Variants in RADIL observed in about 807,000 individuals in gnomAD.
RADIL encodes the protein ras-associating and dilute domain-containing protein.
In RADIL, 99 loss-of-function variants were observed where a neutral mutation model predicts 97.6. That is an observed-to-expected ratio of 1.01 (90% CI 0.86 to 1.20). The LOEUF (loss-of-function observed/expected upper bound fraction) is 1.20. Among genes scored for constraint, RADIL ranks in the 50% most tolerant of loss-of-function variants. The pLI is 0.00. For missense variants in RADIL, 1,765 were observed against 1,498.9 expected, an observed-to-expected ratio of 1.18 and a Z score of -2.93; for synonymous variants, 803 against 691.8, an observed-to-expected ratio of 1.16 and a Z score of -2.52.
At position 4,801,972 on chromosome 7, in the gene RADIL, G is replaced by A. The variant is rs369451870; in HGVS notation, c.2523C>T (p.Asp841=). 1.3e-5 allele frequency: 20 copies of A among 1,546,862 alleles called. No individual in the cohort carries two copies. Among genetic ancestry groups the A allele is most frequent in the South Asian group, 8.6e-5 (7 of 81,518 alleles). ...GGCAGCTCGGGGCCTCCAGGTGCCC[G>A]TCAAGGACCACGTGGTGCATACCCT... ...CPEGMHHVVL[D]GHLEAPSCPL... The change falls in exon 12 of 15, where the codon GAC becomes GAT. Residue 841 remains aspartate, a synonymous_variant. Transcript: ENST00000399583.
Position 4,867,939 on chromosome 7 carries a change from T to C in RADIL, c.535+9666A>G, listed in dbSNP as rs1017101601. Among the ~76,000 whole-genome samples, 1 of 152,226 alleles carries C rather than the reference T, an allele frequency of 6.6e-6. No individual in the cohort carries two copies. The highest frequency in any genetic ancestry group is 1.5e-5 in the Non-Finnish European group (1 of 68,048). ...AGCTTGGCCCTTTCTCTGCACTTAC[T>C]TGTTCCCCATATTGGTGAGACGGCT... On this transcript the variant is annotated intron_variant, in intron 2 of 14. Transcript: ENST00000399583. This position sits in a 1 kb window ranked among gnomAD's most constrained non-coding sequence, Gnocchi z 4.1.
At position 4,821,123 on chromosome 7, in the gene RADIL, C is replaced by T. The variant is rs541069965; in HGVS notation, c.1615+1271G>A. ...GGAGCTCCTGTCCCTGCACACCGGGCCTGCGCCTCCCTCGAAGCTCAGAGA... is the reference window on the plus strand; with the variant it reads ...GGAGCTCCTGTCCCTGCACACCGGGTCTGCGCCTCCCTCGAAGCTCAGAGA... On this transcript the variant is annotated intron_variant, in intron 6 of 14. Transcript: ENST00000399583. This position sits in a 1 kb window ranked among gnomAD's most constrained non-coding sequence, Gnocchi z 5.2. Among the ~76,000 whole-genome samples, 1 of 152,226 alleles carries T rather than the reference C, an allele frequency of 6.6e-6. No individual in the cohort carries two copies. Among genetic ancestry groups the T allele is most frequent in the Non-Finnish European group, 1.5e-5 (1 of 68,030 alleles).
At chr7:4,860,931 G>C in intron 2 of RADIL, 2 of 1,614,166 alleles carry the variant, frequency 1.2e-6, no homozygotes, top group African/African-American at 1.3e-5. Flanking sequence ...TTAAGATTCC[G>C]TTCTTCAGGC....
chr7:4,841,132 C>T (rs1484087885), intron 2 of RADIL, among the ~76,000 whole-genome samples: 2 of 152,224 alleles, frequency 1.3e-5, no homozygotes, highest in Non-Finnish European at 2.9e-5. Context: ...GTGAAGGAGA[C>T]ACCTCCAGGC....
chr7:4,820,683 G>A (rs909024674), intron 6 of RADIL, among the ~76,000 whole-genome samples: 4 of 152,174 alleles, frequency 2.6e-5, no homozygotes, highest in Admixed American at 6.5e-5. Context: ...GATCCTGGCC[G>A]GCTCTGCCTC....
chr7:4,830,809 T>C (rs1033666783), intron 5 of RADIL, among the ~76,000 whole-genome samples: 1 of 151,880 alleles, frequency 6.6e-6, no homozygotes, highest in African/African-American at 2.4e-5. Flanking sequence ...GGTCAGGAGA[T>C]GGAGACCATC....
intron 2 of RADIL, chr7:4,858,184 A>C (rs1783881248): frequency 6.6e-6 from 1 of 152,264 alleles, no homozygotes; most frequent in African/African-American, 2.4e-5. Flanking sequence ...ATAAAAGGAC[A>C]TGACTATATT....
chr7:4,820,785 C>T (rs553222360), intron 6 of RADIL, among the ~76,000 whole-genome samples: 99 of 152,320 alleles, frequency 6.5e-4, no homozygotes, highest in African/African-American at 2.3e-3. Flanking sequence ...TCTCTGCAGC[C>T]CGGCCCCCGC....
At chr7:4,876,724 G>A (rs1461223765) in intron 2 of RADIL, among the ~76,000 whole-genome samples, 4 of 152,216 alleles carry the variant, frequency 2.6e-5, no homozygotes, top group Admixed American at 2.0e-4. Flanking sequence ...GGCACTCAAC[G>A]CCACCCGTGC....
chr7:4,861,651 C>G (rs765964681), intron 2 of RADIL: 1 of 1,605,160 alleles, frequency 6.2e-7, no homozygotes, highest in Non-Finnish European at 8.5e-7. Flanking sequence ...TCTTCCTCTT[C>G]GAAGACCCCG....
intron 2 of RADIL, among the ~76,000 whole-genome samples, chr7:4,877,273 G>A (rs1363755821): frequency 6.6e-6 from 1 of 152,140 alleles, no homozygotes; most frequent in African/African-American, 2.4e-5. Context: ...CGAGACTCCT[G>A]TCTCTACAAA....
In RADIL at chr7:4,835,120, G is replaced by A. The variant is rs1323839293; in HGVS notation, c.903C>T (p.Arg301=). Residue 301 remains arginine, a synonymous_variant, in exon 4 of 15, where the codon CGC becomes CGT. Transcript: ENST00000399583. The surrounding 1 kb of genome is among the most constrained non-coding windows in gnomAD (Gnocchi z 5.8). The part of the protein sequence containing the change: ...PDILPLHCTI[R]RQPLPDSGQA... Reference sequence around the variant, plus strand: ...GGCCGCTGTCCGGGAGCGGTTGCCGGCGGATGGTGCAGTGTAGAGGCAGGA... The same window carrying A: ...GGCCGCTGTCCGGGAGCGGTTGCCGACGGATGGTGCAGTGTAGAGGCAGGA... 6.2e-7 allele frequency: 1 copy of A among 1,609,446 alleles called. No homozygotes were observed. The highest frequency in any genetic ancestry group is 1.1e-5 in the South Asian group (1 of 90,618).
chr7:4,830,675 C>G (rs143024492), intron 5 of RADIL, among the ~76,000 whole-genome samples: 1 of 151,580 alleles, frequency 6.6e-6, no homozygotes, highest in Non-Finnish European at 1.5e-5. Context: ...GTCAGGAGTT[C>G]GAGACCAGCC....
intron 3 of RADIL, 78 bp downstream of exon 3, chr7:4,836,280 C>T (rs570899042): frequency 3.0e-5 from 46 of 1,541,246 alleles, no homozygotes; most frequent in Non-Finnish European, 3.6e-5. Context: ...TAAAGGCAGG[C>T]GGAGGCCTTG....
At chr7:4,829,214 C>T (rs939587309) in intron 5 of RADIL, among the ~76,000 whole-genome samples, 1 of 152,222 alleles carries the variant, frequency 6.6e-6, no homozygotes, top group African/African-American at 2.4e-5. Context: ...CATCACCCTT[C>T]GATGCTATCC....
Position 4,878,145 on chromosome 7 carries a change from G to A in RADIL, c.-6C>T. ...AAGTGCGTCCCATAAAACATGGTGG[G>A]TGAGGCTTCATGGATGAGGACTGTG... On this transcript the variant is annotated 5_prime_UTR_variant, in exon 2 of 15. Coordinates refer to ENST00000399583, the MANE Select transcript of RADIL (RefSeq NM_018059.5). This position sits in a 1 kb window ranked among gnomAD's most constrained non-coding sequence, Gnocchi z 4.1. 2 of 1,538,054 alleles carry A rather than the reference G, an allele frequency of 1.3e-6. No homozygotes were observed. The highest frequency in any genetic ancestry group is 8.8e-7 in the Non-Finnish European group (1 of 1,142,574).
intron 2 of RADIL, among the ~76,000 whole-genome samples, chr7:4,846,960 A>G (rs150857561): frequency 0.016 from 2,384 of 152,230 alleles, 34 homozygotes; most frequent in South Asian, 0.025. Context: ...ATCATTAGTC[A>G]TTTGGGAAAT....
intron 2 of RADIL, among the ~76,000 whole-genome samples, chr7:4,845,966 G>A (rs1402259758): frequency 2.0e-5 from 3 of 151,382 alleles, no homozygotes; most frequent in African/African-American, 4.8e-5. Flanking sequence ...TGAGCCCTTC[G>A]TTAGAGAGGG....
Position 4,801,516 on chromosome 7 carries a change from C to T in RADIL, c.2842+137G>A, listed in dbSNP as rs538037270. 4.1e-5 allele frequency: 38 copies of T among 938,202 alleles called. No individual in the cohort carries two copies. In the East Asian group the frequency reaches 5.8e-4, roughly 14 times the overall value. The allele number at this position is 938,202 out of a possible 1,614,324, so 58.1% of individuals were successfully genotyped here. ...GCCCTGAGCCCTCTCCATCTGGCCC[C>T]GTCTCAGGTTGCAGGTGTCTGTGGG... On this transcript the variant is annotated intron_variant, in intron 12 of 14. Coordinates refer to ENST00000399583, the MANE Select transcript of RADIL (RefSeq NM_018059.5).
Sources: allele counts gnomAD v4.1 joint callset (sites outside exome capture counted in the v4.1 genomes callset), GRCh38; gene constraint gnomAD v4.1.1; non-coding constraint Gnocchi (gnomAD v3.1); transcripts MANE v1.5; gene names NCBI Gene and HGNC (gene_info 2026-07-23, HGNC 2026-07-21).